The following ITSN1 variants were observed in gnomAD, a reference collection of about 807,000 sequenced individuals.
ITSN1 encodes intersectin 1.
ITSN1 carries 58 observed loss-of-function variants against 239.8 expected under a neutral mutation model. The ratio of observed to expected loss-of-function variants is 0.24; its 90% CI spans 0.20 to 0.30. The LOEUF is 0.30. Ranked by LOEUF, ITSN1 falls within the 10% of genes least tolerant of loss-of-function variation. ITSN1 has a pLI of 1.00. For synonymous variants in ITSN1, 780 were observed against 770.8 expected (o/e 1.01, Z -0.20); for missense variants, 1,558 against 2,103.3 (o/e 0.74, Z 5.07).
chr21:33,658,928 GATCTT>G (rs373637305), intron 1 of ITSN1, among the ~76,000 whole-genome samples: 5 of 151,974 alleles, frequency 3.3e-5, no homozygotes, highest in African/African-American at 9.7e-5. Context: ...AGTCCTTTTG[GATCTT>G]ATCTGAGTTC....
chr21:33,770,675 A>G (rs1366433550), intron 11 of ITSN1, among the ~76,000 whole-genome samples: 1 of 152,014 alleles, frequency 6.6e-6, no homozygotes, highest in Non-Finnish European at 1.5e-5. Context: ...TATGACTGAC[A>G]TCTTTCACTT....
At chr21:33,802,307 T>C in intron 19 of ITSN1, 123 bp from the exon 20 acceptor site, 1 of 913,586 alleles carries the variant, frequency 1.1e-6, no homozygotes, top group Non-Finnish European at 1.7e-6. Flanking sequence ...AACCTTTTCC[T>C]CGAATTGGCT....
At chr21:33,845,296 CT>C (rs1246261990) in intron 29 of ITSN1, among the ~76,000 whole-genome samples, 1 of 152,022 alleles carries the variant, frequency 6.6e-6, no homozygotes, top group African/African-American at 2.4e-5. Flanking sequence ...GGGGGAGGAG[CT>C]TTCTCGGCCC....
At chr21:33,742,320 G>T (rs1359595776) in intron 5 of ITSN1, among the ~76,000 whole-genome samples, 2 of 152,200 alleles carry the variant, frequency 1.3e-5, no homozygotes, top group Non-Finnish European at 2.9e-5. Flanking sequence ...CTCCCAAAGT[G>T]CTGGGATTAC....
chr21:33,746,183 T>C (rs1402578241), intron 5 of ITSN1, among the ~76,000 whole-genome samples: 1 of 152,218 alleles, frequency 6.6e-6, no homozygotes, highest in East Asian at 1.9e-4. Context: ...TTTTTCTGAA[T>C]TAGCCTATGC....
chr21:33,796,591 G>T (rs1473579320), intron 17 of ITSN1, among the ~76,000 whole-genome samples: 1 of 152,112 alleles, frequency 6.6e-6, no homozygotes, highest in Non-Finnish European at 1.5e-5. Context: ...AGGCTGCCTG[G>T]GATTGAAGCC....
chr21:33,824,806 G>A (rs896953852), intron 25 of ITSN1, among the ~76,000 whole-genome samples: 5 of 152,090 alleles, frequency 3.3e-5, no homozygotes, highest in East Asian at 1.9e-4. Flanking sequence ...TTCTTGCTGC[G>A]GTCTTGAGAG....
intron 23 of ITSN1, 121 bp from the exon 24 acceptor site, chr21:33,819,120 A>C (rs1342993285): frequency 1.5e-6 from 1 of 674,604 alleles, no homozygotes; most frequent in Non-Finnish European, 2.6e-6. Flanking sequence ...AAGTACAACT[A>C]TTTCAGCTGT....
In ITSN1 at chr21:33,894,821, G is replaced by A. The variant is rs1986599260; in HGVS notation, c.*6521G>A. On this transcript the variant is annotated 3_prime_UTR_variant, in exon 40 of 40. Coordinates refer to ENST00000381318, the MANE Select transcript of ITSN1 (RefSeq NM_003024.3). Reference sequence around the variant, plus strand: ...CAGGAACCAAAGAAAGGGTGTAGTGGCTTTGCAGCGTTGGGTGAGCAGCAG... The same window carrying A: ...CAGGAACCAAAGAAAGGGTGTAGTGACTTTGCAGCGTTGGGTGAGCAGCAG... 6.6e-6 allele frequency: 1 copy of A among 152,222 alleles called. No homozygotes were observed. Among genetic ancestry groups the A allele is most frequent in the Admixed American group, 6.5e-5 (1 of 15,284 alleles). 9.4% of individuals were successfully genotyped at this position (152,222 alleles called of 1,614,324 possible).
At chr21:33,708,437 G>A (rs1191325928) in intron 1 of ITSN1, among the ~76,000 whole-genome samples, 1 of 151,674 alleles carries the variant, frequency 6.6e-6, no homozygotes, top group Non-Finnish European at 1.5e-5. Flanking sequence ...TGCCCAGGCT[G>A]GAGTGCAATG....
intron 1 of ITSN1, among the ~76,000 whole-genome samples, chr21:33,686,218 G>C (rs2091227716): frequency 6.6e-6 from 1 of 151,984 alleles, no homozygotes; most frequent in South Asian, 2.1e-4. Context: ...TAGGGATGTT[G>C]TTAGAATTAC....
At chr21:33,665,022 T>C (rs2089834425) in intron 1 of ITSN1, among the ~76,000 whole-genome samples, 1 of 152,166 alleles carries the variant, frequency 6.6e-6, no homozygotes, top group Non-Finnish European at 1.5e-5. Context: ...CCCAGCACTT[T>C]GGGAGGCCGA....
intron 33 of ITSN1, among the ~76,000 whole-genome samples, chr21:33,871,449 CAAAA>C (rs1982715804): frequency 1.4e-5 from 2 of 142,930 alleles, no homozygotes; most frequent in African/African-American, 5.4e-5. Context: ...AAAAAAAAAA[CAAAA>C]AACAAAAAGG....
intron 1 of ITSN1, among the ~76,000 whole-genome samples, chr21:33,650,717 A>G (rs2088440529): frequency 6.6e-6 from 1 of 152,242 alleles, no homozygotes; most frequent in Non-Finnish European, 1.5e-5. Flanking sequence ...TGAAAGCTAT[A>G]TAGCTAGTAA....
rs1242004482 is a variant in ITSN1 at position 33,876,233 on chromosome 21, TTC to T, written c.4341+722_4341+723del. ...CTCTCTTCTTTTTCTCTTTCTTTCC[TTC>T]TCTCTCTCTTTCTTCTCCTTCCTTC... On this transcript the variant is annotated intron_variant, in intron 34 of 39. Coordinates refer to ENST00000381318, the MANE Select transcript of ITSN1 (RefSeq NM_003024.3). Among the ~76,000 whole-genome samples, 13 of 35,226 alleles carry T rather than the reference TTC, an allele frequency of 3.7e-4. No homozygotes were observed. The South Asian group carries it at 4.0e-3, about 11-fold the overall frequency. 23.1% of individuals were successfully genotyped at this position (35,226 alleles called of 152,430 possible).
chr21:33,720,789 A>G (rs1282620977), intron 2 of ITSN1, among the ~76,000 whole-genome samples: 1 of 152,162 alleles, frequency 6.6e-6, no homozygotes, highest in African/African-American at 2.4e-5. Flanking sequence ...TTCTTCTTTC[A>G]TAACTTTTGC....
In ITSN1 at chr21:33,895,539, GTGTGTGTGCACGCA is replaced by G. The variant is rs1057331285; in HGVS notation, c.*7249_*7262del. 2 of 126,850 alleles carry G rather than the reference GTGTGTGTGCACGCA, an allele frequency of 1.6e-5. No individual in the cohort carries two copies. The highest frequency in any genetic ancestry group is 3.4e-4 in the East Asian group (1 of 2,944). The allele number at this position is 126,850 out of a possible 1,614,324, so 7.9% of individuals were successfully genotyped here. ...TGTGTGTGCATGTGTGTGTGTCTACGTGTGTGTGCACGCATGTGTGTGCGTGTATGTGTGCGTGT... is the reference window on the plus strand; with the variant it reads ...TGTGTGTGCATGTGTGTGTGTCTACGTGTGTGTGCGTGTATGTGTGCGTGT... On this transcript the variant is annotated 3_prime_UTR_variant, in exon 40 of 40. Transcript: ENST00000381318.
chr21:33,681,205 A>G (rs2090930014), intron 1 of ITSN1, among the ~76,000 whole-genome samples: 1 of 152,208 alleles, frequency 6.6e-6, no homozygotes, highest in African/African-American at 2.4e-5. Flanking sequence ...ATGTGTTTGT[A>G]TGGAGCGATA....
intron 5 of ITSN1, among the ~76,000 whole-genome samples, chr21:33,745,397 C>T (rs1293988125): frequency 5.3e-5 from 8 of 152,120 alleles, no homozygotes; most frequent in Non-Finnish European, 7.4e-5. Flanking sequence ...GTGAGATTTC[C>T]GACCATGCCT....
Sources: allele counts gnomAD v4.1 joint callset (sites outside exome capture counted in the v4.1 genomes callset), GRCh38; gene constraint gnomAD v4.1.1; transcripts MANE v1.5; gene names NCBI Gene and HGNC (gene_info 2026-07-23, HGNC 2026-07-21).